VPS13B: variants seen among roughly 807,000 people sequenced by gnomAD.
VPS13B encodes vacuolar protein sorting 13 homolog B.
VPS13B carries 285 observed loss-of-function variants against 426.4 expected under a neutral mutation model. The observed-to-expected ratio is 0.67, with a 90% CI of 0.61 to 0.74. VPS13B has a LOEUF of 0.74. Among genes scored for constraint, VPS13B ranks in the 30% least tolerant of loss-of-function variants. The probability of loss-of-function intolerance (pLI) is 0.00; values close to 1 mark genes in which losing one functional copy is unlikely to be tolerated. For synonymous variants in VPS13B, 1,676 were observed against 1,676.4 expected, an observed-to-expected ratio of 1.00 and a Z score of 0.01; for missense variants, 4,537 against 4,782.6, an observed-to-expected ratio of 0.95 and a Z score of 1.51.
At chr8:99,322,838 A>G (rs1009091931) in intron 19 of VPS13B, among the ~76,000 whole-genome samples, 2 of 152,270 alleles carry the variant, frequency 1.3e-5, no homozygotes, top group East Asian at 3.8e-4. Flanking sequence ...AAAACAAAGT[A>G]TAGTTCTTAA....
At chr8:99,216,679 T>C (rs1366812493) in intron 17 of VPS13B, among the ~76,000 whole-genome samples, 1 of 151,600 alleles carries the variant, frequency 6.6e-6, no homozygotes, top group Non-Finnish European at 1.5e-5. Context: ...GATACTTACA[T>C]GTGGCTAATC....
chr8:99,542,560 A>C (rs758770143), intron 30 of VPS13B, among the ~76,000 whole-genome samples: 3 of 152,148 alleles, frequency 2.0e-5, no homozygotes, highest in Non-Finnish European at 4.4e-5. Flanking sequence ...ATTGGGGCAT[A>C]ATGAGAGAGA....
chr8:99,175,955 A>C (rs560908222), intron 16 of VPS13B, among the ~76,000 whole-genome samples: 59 of 152,242 alleles, frequency 3.9e-4, no homozygotes, highest in African/African-American at 1.4e-3. Context: ...TTTTGTTGCT[A>C]CTGCGGTGAG....
chr8:99,593,733 AGGAAC>A (rs1826821826), intron 33 of VPS13B, among the ~76,000 whole-genome samples: 1 of 152,158 alleles, frequency 6.6e-6, no homozygotes, highest in Non-Finnish European at 1.5e-5. Flanking sequence ...AGCCATAAAA[AGGAAC>A]AAGATCGTGT....
intron 23 of VPS13B, among the ~76,000 whole-genome samples, chr8:99,445,970 T>TAGTG (rs1281344697): frequency 6.6e-6 from 1 of 152,240 alleles, no homozygotes; most frequent in African/African-American, 2.4e-5. Context: ...CCATGCTTTA[T>TAGTG]AGTGCAGAGA....
chr8:99,126,548 ATC>A (rs1402310021), intron 8 of VPS13B, among the ~76,000 whole-genome samples: 2 of 152,216 alleles, frequency 1.3e-5, no homozygotes, highest in Non-Finnish European at 2.9e-5. Flanking sequence ...TGGAATGATC[ATC>A]TCTCTGGATA....
chr8:99,660,664 A>G (rs975118740), intron 34 of VPS13B, among the ~76,000 whole-genome samples: 1 of 152,108 alleles, frequency 6.6e-6, no homozygotes, highest in African/African-American at 2.4e-5. Context: ...TACCACAACC[A>G]ATAGCCAAAA....
intron 19 of VPS13B, among the ~76,000 whole-genome samples, chr8:99,284,703 G>A (rs1033924668): frequency 1.4e-5 from 2 of 140,912 alleles, no homozygotes; most frequent in African/African-American, 2.7e-5. Context: ...GGCATGAGCT[G>A]CCACACCTGG....
intron 3 of VPS13B, among the ~76,000 whole-genome samples, chr8:99,082,423 T>C (rs1056313143): frequency 6.6e-6 from 1 of 152,186 alleles, no homozygotes; most frequent in Non-Finnish European, 1.5e-5. Context: ...GCCTGTTCAC[T>C]CTGATGGTGG....
At chr8:99,387,339 T>C (rs565888062) in intron 20 of VPS13B, among the ~76,000 whole-genome samples, 2 of 152,174 alleles carry the variant, frequency 1.3e-5, no homozygotes, top group East Asian at 3.9e-4. Context: ...TTTCTAAGCC[T>C]CCTGAGTAGC....
At chr8:99,839,264 T>G (rs1040308327) in intron 54 of VPS13B, among the ~76,000 whole-genome samples, 3 of 152,140 alleles carry the variant, frequency 2.0e-5, no homozygotes, top group Non-Finnish European at 4.4e-5. Context: ...AAATGGATTG[T>G]TTTGTGGGGA....
chr8:99,024,763 G>A (rs1842054016), intron 2 of VPS13B, among the ~76,000 whole-genome samples: 1 of 152,142 alleles, frequency 6.6e-6, no homozygotes, highest in Non-Finnish European at 1.5e-5. Context: ...CTTTTGCTCA[G>A]AATTGCTTTG....
At chr8:99,590,803 G>A (rs112986153) in intron 33 of VPS13B, among the ~76,000 whole-genome samples, 205 of 152,258 alleles carry the variant, frequency 1.3e-3, no homozygotes, top group African/African-American at 4.7e-3. Context: ...TGAGAATAAT[G>A]TATATTCGGT....
chr8:99,358,067 A>G (rs1000302034), intron 19 of VPS13B, among the ~76,000 whole-genome samples: 5 of 151,532 alleles, frequency 3.3e-5, no homozygotes, highest in Admixed American at 6.6e-5. Context: ...CCCAGTGACA[A>G]TTCTCTTTTT....
chr8:99,453,689 T>A (rs1347400273), intron 23 of VPS13B, among the ~76,000 whole-genome samples: 1 of 152,202 alleles, frequency 6.6e-6, no homozygotes, highest in East Asian at 1.9e-4. Flanking sequence ...ATGGCAGCCC[T>A]AATATGCTGT....
intron 33 of VPS13B, among the ~76,000 whole-genome samples, chr8:99,625,088 G>A (rs560962514): frequency 1.3e-5 from 2 of 152,226 alleles, no homozygotes; most frequent in East Asian, 3.9e-4. Context: ...GCCTCCCAAA[G>A]TGCTGGGATT....
Position 99,017,649 on chromosome 8 carries a change from C to T in VPS13B, c.147+3714C>T, listed in dbSNP as rs570044751. On this transcript the variant is annotated intron_variant, in intron 2 of 61. Transcript: ENST00000357162. ...CTGGGATTACAGGTGTGCACCACCA[C>T]GCCTGGCTAACTTTTGTATTTTTAG... Among the ~76,000 whole-genome samples, 10 of 152,026 alleles carry T rather than the reference C, an allele frequency of 6.6e-5. No homozygotes were observed. The South Asian group carries it at 8.3e-4, about 13-fold the overall frequency.
At chr8:99,483,844 A>G (rs900398054) in intron 25 of VPS13B, among the ~76,000 whole-genome samples, 8 of 152,154 alleles carry the variant, frequency 5.3e-5, no homozygotes, top group African/African-American at 1.9e-4. Context: ...TTTTGGTCAT[A>G]CATCTAGAGA....
intron 33 of VPS13B, among the ~76,000 whole-genome samples, chr8:99,611,662 A>G (rs1035769891): frequency 1.3e-5 from 2 of 151,912 alleles, no homozygotes; most frequent in Non-Finnish European, 2.9e-5. Flanking sequence ...TTACACTCTA[A>G]GCAGTCTTCT....
Sources: gnomAD v4.1 joint callset for allele counts (sites outside exome capture counted in the v4.1 genomes callset) on GRCh38, gnomAD v4.1.1 for gene constraint, MANE v1.5 for transcripts, NCBI Gene and HGNC (gene_info 2026-07-23, HGNC 2026-07-21) for gene names.